The following PREX1 variants were observed in gnomAD, a reference collection of about 807,000 sequenced individuals.
PREX1 encodes the protein phosphatidylinositol 3,4,5-trisphosphate-dependent Rac exchanger 1 protein.
PREX1 carries 41 observed loss-of-function variants against 198.3 expected under a neutral mutation model. The ratio of observed to expected loss-of-function variants is 0.21; its 90% CI spans 0.16 to 0.27. The LOEUF (loss-of-function observed/expected upper bound fraction) is 0.27, where lower values mean the gene tolerates loss of function less well. PREX1 is among the 10% of genes least tolerant of loss of function. The pLI, the probability that PREX1 is intolerant of heterozygous loss-of-function variation, is 1.00. For synonymous variants in PREX1, 843 were observed against 887.2 expected, an observed-to-expected ratio of 0.95 and a Z score of 0.89; for missense variants, 1,620 against 2,200.7, an observed-to-expected ratio of 0.74 and a Z score of 5.28.
chr20:48,703,437 T>G (rs2123073943), intron 6 of PREX1, among the ~76,000 whole-genome samples: 1 of 152,190 alleles, frequency 6.6e-6, no homozygotes, highest in South Asian at 2.1e-4. Flanking sequence ...GCACCAAGAC[T>G]CAGGGCTGTC....
At chr20:48,854,106 C>CACT in the PREX1 span, among the ~76,000 whole-genome samples, 1 of 152,212 alleles carries the variant, frequency 6.6e-6, no homozygotes, top group Non-Finnish European at 1.5e-5. Flanking sequence ...ACCATCGGGT[C>CACT]CAGCTGCTGG....
rs536075678 is a variant in PREX1, at chr20:48,749,370, A to G, written c.220-1490T>C. ...CACGGGGGCTGCTCCAGGTGAGCAC[A>G]TGGTCTCCCTGTCACAGAGCCCAGG... On this transcript the variant is annotated intron_variant, in intron 1 of 39. Transcript: ENST00000371941. Among the ~76,000 whole-genome samples the G allele has an allele frequency of 9.9e-4, 151 of 152,268 alleles. 1 individual carries two copies. Among genetic ancestry groups the G allele is most frequent in the African/African-American group, 3.4e-3 (143 of 41,542 alleles).
At chr20:48,707,192 G>C (rs897089995) in intron 6 of PREX1, among the ~76,000 whole-genome samples, 4 of 152,160 alleles carry the variant, frequency 2.6e-5, no homozygotes, top group Admixed American at 6.5e-5. Flanking sequence ...AGCACAAGGG[G>C]TGGCCTCCAC....
intron 29 of PREX1, among the ~76,000 whole-genome samples, chr20:48,641,465 A>G (rs1341965274): frequency 4.6e-5 from 7 of 152,148 alleles, no homozygotes; most frequent in Non-Finnish European, 7.3e-5. Flanking sequence ...GATGTCAATA[A>G]TAAGAAAAAA....
chr20:48,681,488 T>C (rs1252630697), intron 10 of PREX1, among the ~76,000 whole-genome samples, 153 bp from the exon 11 acceptor site: 3 of 152,078 alleles, frequency 2.0e-5, no homozygotes, highest in East Asian at 1.9e-4. Context: ...GCCCTTGGGG[T>C]TGTACTGAGG....
the PREX1 span, among the ~76,000 whole-genome samples, chr20:48,841,912 A>G: frequency 4.7e-3 from 710 of 152,342 alleles, 3 homozygotes; most frequent in African/African-American, 0.016. Context: ...TGGGGGGTTC[A>G]GTTCTTAACA....
chr20:48,717,101 G>T (rs2089965513), intron 5 of PREX1, among the ~76,000 whole-genome samples: 2 of 152,158 alleles, frequency 1.3e-5, no homozygotes, highest in South Asian at 4.1e-4. Flanking sequence ...ATAAGAAAAT[G>T]AACCCATAAA....
At chr20:48,774,118 G>C (rs1243574094) in intron 1 of PREX1, among the ~76,000 whole-genome samples, 3 of 152,196 alleles carry the variant, frequency 2.0e-5, no homozygotes, top group African/African-American at 7.2e-5. Context: ...CTGTGGTTTG[G>C]GGGGCGGGTA....
chr20:48,696,354 T>C (rs545119595), intron 7 of PREX1, among the ~76,000 whole-genome samples: 3 of 152,352 alleles, frequency 2.0e-5, no homozygotes, highest in Admixed American at 6.5e-5. Flanking sequence ...TTGTACTGCA[T>C]TGGTGTTTTT....
rs115546316 is a variant in PREX1 at position 48,737,537 on chromosome 20, G to T, written c.415-2887C>A. Among the ~76,000 whole-genome samples the T allele has an allele frequency of 6.9e-3, 1,043 of 152,252 alleles. 17 individuals carry two copies. The highest frequency in any genetic ancestry group is 0.024 in the African/African-American group (987 of 41,534). The stretch of plus-strand genomic sequence containing the variant: ...AAAGGAAGAAAAGAGAAGGAGGAAC[G>T]GAGAGGCTAAAGGGCCCTCAGACCA... On this transcript the variant is annotated intron_variant, in intron 3 of 39. Coordinates refer to ENST00000371941, the MANE Select transcript of PREX1 (RefSeq NM_020820.4).
intron 1 of PREX1, among the ~76,000 whole-genome samples, chr20:48,774,311 G>A (rs959119274): frequency 1.3e-5 from 2 of 152,252 alleles, no homozygotes; most frequent in Non-Finnish European, 2.9e-5. Flanking sequence ...CACCAGAGCG[G>A]AGGCCTGAAG....
Position 48,649,339 on chromosome 20 carries a change from G to T in PREX1, c.3266C>A (p.Ala1089Asp). ...GACATATTGCTTCATCTCCTTCAGG[G>T]CCACATCCAGCTTGGTGAAGAGCTG... is the stretch of plus-strand genomic sequence containing the variant. ...YLQLFTKLDV[A>D]LKEMKQYVTQ... is the part of the protein sequence containing the mutation. The change falls in exon 25 of 40, where the codon GCC becomes GAC. Residue 1089 changes from alanine (A) to aspartate (D), a missense_variant. By Grantham distance (126) the Ala-to-Asp change is moderately radical. Around this residue, in one of 7 missense-constraint regions of PREX1, gnomAD observed 514 missense variants for 611.6 expected, o/e 0.84. Coordinates refer to ENST00000371941, the MANE Select transcript of PREX1 (RefSeq NM_020820.4). 6.2e-7 allele frequency: 1 copy of T among 1,614,116 alleles called. No individual in the cohort carries two copies. Among genetic ancestry groups the T allele is most frequent in the Non-Finnish European group, 8.5e-7 (1 of 1,180,014 alleles).
At chr20:48,674,642 C>T (rs1019894332) in intron 14 of PREX1, among the ~76,000 whole-genome samples, 1 of 152,188 alleles carries the variant, frequency 6.6e-6, no homozygotes, top group African/African-American at 2.4e-5. Context: ...AGGCACTCAG[C>T]CTCTCTGGGC....
intron 11 of PREX1, 109 bp downstream of exon 11, chr20:48,681,126 G>A (rs1209704846): frequency 2.2e-5 from 21 of 949,512 alleles, no homozygotes; most frequent in East Asian, 1.7e-4. Flanking sequence ...CAGAAAACAC[G>A]GCGGCTGCAC....
At chr20:48,781,737 G>A (rs1305258563) in intron 1 of PREX1, among the ~76,000 whole-genome samples, 1 of 152,160 alleles carries the variant, frequency 6.6e-6, no homozygotes, top group Non-Finnish European at 1.5e-5. Flanking sequence ...TTCCTCTTCT[G>A]AAAACAGGGA....
At chr20:48,857,653 G>T in the PREX1 span, among the ~76,000 whole-genome samples, 1,497 of 152,104 alleles carry the variant, frequency 9.8e-3, 19 homozygotes, top group African/African-American at 0.034. Flanking sequence ...CATGCCTGTG[G>T]TCCCAATTAC....
intron 10 of PREX1, among the ~76,000 whole-genome samples, chr20:48,687,391 T>C (rs1852307545): frequency 1.3e-5 from 2 of 152,250 alleles, no homozygotes; most frequent in African/African-American, 4.8e-5. Context: ...CTTAAAGTCC[T>C]GAACTCCCTT....
chr20:48,869,038 G>A, the PREX1 span, among the ~76,000 whole-genome samples: 1 of 151,824 alleles, frequency 6.6e-6, no homozygotes, highest in Non-Finnish European at 1.5e-5. Context: ...CACCATGCCT[G>A]GCTAATTTTT....
upstream of PREX1, among the ~76,000 whole-genome samples, chr20:48,828,670 C>T (rs911937916): frequency 6.6e-6 from 1 of 152,228 alleles, no homozygotes; most frequent in African/African-American, 2.4e-5. Context: ...TTCCCGTTTC[C>T]TTTCCCATCT....
Sources: gnomAD v4.1 joint callset for allele counts (sites outside exome capture counted in the v4.1 genomes callset) on GRCh38, gnomAD v4.1.1 for gene constraint, gnomAD v4.1.1 regional missense constraint, MANE v1.5 for transcripts, NCBI Gene and HGNC (gene_info 2026-07-23, HGNC 2026-07-21) for gene names.